Variants in DOCK7 observed in about 807,000 individuals in gnomAD.
DOCK7 encodes the protein dedicator of cytokinesis protein 7.
DOCK7 carries 138 observed loss-of-function variants against 271.0 expected under a neutral mutation model. That is an observed-to-expected ratio of 0.51 (90% CI 0.44 to 0.59). DOCK7 has a LOEUF of 0.59. Ranked by LOEUF, DOCK7 falls within the 20% of genes least tolerant of loss-of-function variation. The pLI is 0.00. For missense variants in DOCK7, 2,066 were observed against 2,592.4 expected (o/e 0.80, Z 4.41); for synonymous variants, 823 against 876.1 (o/e 0.94, Z 1.07).
chr1:62,494,221 C>T (rs1646550996), intron 40 of DOCK7, 54 bp downstream of exon 40: 1 of 1,449,116 alleles, frequency 6.9e-7, no homozygotes, highest in Non-Finnish European at 9.2e-7. Context: ...GTGAGAAAAG[C>T]TAAAACCAAA....
chr1:62,497,332 T>C (rs1281957778), intron 37 of DOCK7, among the ~76,000 whole-genome samples: 2 of 152,194 alleles, frequency 1.3e-5, no homozygotes, highest in East Asian at 1.9e-4. Context: ...AACCAGTATA[T>C]ACACATGTTT....
At chr1:62,527,326 T>A (rs938704418) in intron 31 of DOCK7, among the ~76,000 whole-genome samples, 14 of 152,038 alleles carry the variant, frequency 9.2e-5, no homozygotes, top group African/African-American at 3.4e-4. Flanking sequence ...TTCTTAGGGC[T>A]GACAAAGAAT....
intron 48 of DOCK7, among the ~76,000 whole-genome samples, chr1:62,462,641 G>C (rs1645563522): frequency 6.6e-6 from 1 of 151,822 alleles, no homozygotes; most frequent in Non-Finnish European, 1.5e-5. Flanking sequence ...TCTGTAAGGG[G>C]AAAAAAAACC....
chr1:62,611,441 CTTT>C (rs1193826294), intron 14 of DOCK7, among the ~76,000 whole-genome samples: 1 of 152,130 alleles, frequency 6.6e-6, no homozygotes, highest in Non-Finnish European at 1.5e-5. Flanking sequence ...ACGAGATCTT[CTTT>C]GAGTATCATA....
Position 62,518,731 on chromosome 1 carries a change from C to G in DOCK7, c.3937-4833G>C, listed in dbSNP as rs182546122. Among the ~76,000 whole-genome samples, 265 of 151,940 alleles carry G rather than the reference C, an allele frequency of 1.7e-3. 2 individuals carry two copies. The highest frequency in any genetic ancestry group is 5.8e-3 in the African/African-American group (241 of 41,440). On this transcript the variant is annotated intron_variant, in intron 31 of 49. Coordinates refer to ENST00000635253, the MANE Select transcript of DOCK7 (RefSeq NM_001367561.1). ...CTCCAGCCTGGGTGACAGAGCAAGA[C>G]CCTTTCTCAACAACAGCAACAACAA...
intron 1 of DOCK7, among the ~76,000 whole-genome samples, chr1:62,670,711 G>GT (rs892468985): frequency 3.3e-5 from 5 of 151,948 alleles, no homozygotes; most frequent in Non-Finnish European, 7.4e-5. Context: ...GAGAACCTTT[G>GT]TATCTAGCTC....
intron 13 of DOCK7, 104 bp from the exon 14 acceptor site, chr1:62,618,972 G>T: frequency 3.0e-6 from 3 of 1,009,576 alleles, no homozygotes; most frequent in Non-Finnish European, 4.4e-6. Flanking sequence ...AGTCTGGGAA[G>T]AATATTACAG....
intron 10 of DOCK7, among the ~76,000 whole-genome samples, chr1:62,633,185 GAATT>G (rs1450950962): frequency 3.3e-5 from 5 of 152,112 alleles, no homozygotes; most frequent in Admixed American, 1.3e-4. Flanking sequence ...GAGTTAAACT[GAATT>G]AATTTAGTTC....
At chr1:62,579,362 T>A (rs1431516026) in intron 16 of DOCK7, among the ~76,000 whole-genome samples, 1 of 152,178 alleles carries the variant, frequency 6.6e-6, no homozygotes, top group South Asian at 2.1e-4. Context: ...AATGCTTTCA[T>A]ATTAAAACTA....
At chr1:62,508,225 GC>G (rs1189728166) in intron 34 of DOCK7, among the ~76,000 whole-genome samples, 167 bp from the exon 35 acceptor site, 2 of 152,138 alleles carry the variant, frequency 1.3e-5, no homozygotes, top group African/African-American at 2.4e-5. Flanking sequence ...CATTTATGCA[GC>G]TTTTTTGTTA....
In DOCK7 at chr1:62,552,823, T is replaced by C. The variant is rs1360124638; in HGVS notation, c.2675A>G (p.Asn892Ser). ...SAVRPASLNL[N>S]RSRSLSNSNP... ...GCTATTACTAAGGCTTCGAGAACGA[T>C]TTAAATTAAGGCTTGCAGGTCTCAC... The change falls in exon 22 of 50, where the codon AAT becomes AGT. Residue 892 changes from asparagine (N) to serine (S), a missense_variant. By Grantham distance (46) the Asn-to-Ser change is conservative (BLOSUM62 1). Around this residue, in one of 2 missense-constraint regions of DOCK7, gnomAD observed 1,414 missense variants for 1,670.4 expected, o/e 0.85. Coordinates refer to ENST00000635253, the MANE Select transcript of DOCK7 (RefSeq NM_001367561.1). 1 of 1,613,924 alleles carries C rather than the reference T, an allele frequency of 6.2e-7. No individual in the cohort carries two copies. Among genetic ancestry groups the C allele is most frequent in the East Asian group, 2.2e-5 (1 of 44,830 alleles).
intron 31 of DOCK7, among the ~76,000 whole-genome samples, chr1:62,515,904 A>G (rs1644648224): frequency 6.6e-6 from 1 of 152,212 alleles, no homozygotes; most frequent in Non-Finnish European, 1.5e-5. Flanking sequence ...AACAGAATAA[A>G]GAACACAAAA....
chr1:62,595,033 C>T (rs1213255705), intron 14 of DOCK7, among the ~76,000 whole-genome samples: 2 of 152,178 alleles, frequency 1.3e-5, no homozygotes, highest in Non-Finnish European at 2.9e-5. Flanking sequence ...AATTCCATTA[C>T]ATGAACCAGA....
intron 43 of DOCK7, chr1:62,484,941 A>G: frequency 5.9e-6 from 1 of 168,742 alleles, no homozygotes; most frequent in Non-Finnish European, 1.2e-5. Context: ...GGAGTTTGAG[A>G]TCAACCTGAG....
At chr1:62,687,508 A>G (rs1661930344) in intron 1 of DOCK7, 1 of 142,998 alleles carries the variant, frequency 7.0e-6, no homozygotes, top group Non-Finnish European at 1.5e-5. Context: ...ACAGGCGCAC[A>G]GTTAAATTCA....
chr1:62,485,353 C>A, intron 43 of DOCK7: 1 of 985,360 alleles, frequency 1.0e-6, no homozygotes, highest in African/African-American at 1.7e-5. Context: ...CACACACACA[C>A]ACACACACCC....
At chr1:62,586,473 C>CA (rs1353691874) in intron 15 of DOCK7, 34 bp downstream of exon 15, 7 of 1,495,752 alleles carry the variant, frequency 4.7e-6, no homozygotes, top group Non-Finnish European at 6.4e-6. Flanking sequence ...GAACTTAATA[C>CA]AAAAAATTAG....
At chr1:62,480,784 G>C (rs760521637) in intron 43 of DOCK7, among the ~76,000 whole-genome samples, 1 of 152,130 alleles carries the variant, frequency 6.6e-6, no homozygotes, top group Admixed American at 6.5e-5. Flanking sequence ...CAAGGCGGGG[G>C]GGATCACGAG....
rs574844596 is a variant in DOCK7 at position 62,521,254 on chromosome 1, A to T, written c.3936+6897T>A. On this transcript the variant is annotated intron_variant, in intron 31 of 49. Coordinates refer to ENST00000635253, the MANE Select transcript of DOCK7 (RefSeq NM_001367561.1). ...TATCCCAGAACTTAAAGTATAATTTAAAAAAAGGGAAAAAAATGTTACATA... is the reference window on the plus strand; with the variant it reads ...TATCCCAGAACTTAAAGTATAATTTTAAAAAAGGGAAAAAAATGTTACATA... Among the ~76,000 whole-genome samples the T allele has an allele frequency of 7.9e-5, 12 of 152,258 alleles. No homozygotes were observed. The East Asian group carries it at 9.6e-4, about 12-fold the overall frequency.
Sources: gnomAD v4.1 joint callset for allele counts (sites outside exome capture counted in the v4.1 genomes callset) on GRCh38, gnomAD v4.1.1 for gene constraint, gnomAD v4.1.1 regional missense constraint, MANE v1.5 for transcripts, NCBI Gene and HGNC (gene_info 2026-07-23, HGNC 2026-07-21) for gene names.